The following GABRA2 variants were observed in gnomAD, a reference collection of about 807,000 sequenced individuals.
The protein encoded by GABRA2 is gamma-aminobutyric acid receptor subunit alpha-2.
In GABRA2, 16 loss-of-function variants were observed where a neutral mutation model predicts 48.7. The observed-to-expected ratio is 0.33, with a 90% confidence interval of 0.22 to 0.50. The LOEUF (loss-of-function observed/expected upper bound fraction) is 0.50, where lower values mean the gene tolerates loss of function less well. GABRA2 is among the 20% of genes least tolerant of loss of function. The pLI, the probability that GABRA2 is intolerant of heterozygous loss-of-function variation, is 0.98. For synonymous variants in GABRA2, 185 were observed against 184.5 expected (o/e 1.00, Z -0.02); for missense variants, 275 against 535.6 (o/e 0.51, Z 4.80).
intron 3 of GABRA2, among the ~76,000 whole-genome samples, chr4:46,370,294 A>G (rs2109996129): frequency 6.6e-6 from 1 of 152,234 alleles, no homozygotes; most frequent in South Asian, 2.1e-4. Flanking sequence ...AAAGGTAATA[A>G]GAGTTAAAAG....
intron 8 of GABRA2, among the ~76,000 whole-genome samples, chr4:46,280,475 C>T (rs544651222): frequency 9.9e-5 from 15 of 152,172 alleles, no homozygotes; most frequent in Admixed American, 4.6e-4. Flanking sequence ...GAGTTTGCGC[C>T]ACATAAGGAC....
At position 46,247,137 on chromosome 4, in the gene GABRA2, T is replaced by C. The variant is rs1713855242; in HGVS notation, c.*3171A>G. Among the ~76,000 whole-genome samples the C allele has an allele frequency of 6.6e-6, 1 of 151,206 alleles. No individual in the cohort carries two copies. The highest frequency in any genetic ancestry group is 1.5e-5 in the Non-Finnish European group (1 of 67,494). ...ATCACTTATCCAAACCTGAGATAAA[T>C]TCAAAATAGAGAGATACCTGAAAAG... is the stretch of plus-strand genomic sequence containing the variant. On this transcript the variant is annotated 3_prime_UTR_variant, in exon 10 of 10. Coordinates refer to ENST00000381620, the MANE Select transcript of GABRA2 (RefSeq NM_000807.4).
chr4:46,383,262 G>C (rs2109363160), intron 3 of GABRA2, among the ~76,000 whole-genome samples: 1 of 152,202 alleles, frequency 6.6e-6, no homozygotes, highest in African/African-American at 2.4e-5. Context: ...GACAAATATA[G>C]ATCCAGAGAG....
At chr4:46,310,136 A>G in intron 6 of GABRA2, 37 bp downstream of exon 6, 1 of 1,506,608 alleles carries the variant, frequency 6.6e-7, no homozygotes, top group Non-Finnish European at 9.2e-7. Flanking sequence ...CCCTGATATT[A>G]TTGACCCAAA....
At chr4:46,275,808 C>G (rs1369579165) in intron 8 of GABRA2, among the ~76,000 whole-genome samples, 1 of 152,018 alleles carries the variant, frequency 6.6e-6, no homozygotes, top group East Asian at 1.9e-4. Flanking sequence ...ATAAATAGTA[C>G]ATCATTAGAG....
intron 3 of GABRA2, among the ~76,000 whole-genome samples, chr4:46,378,656 TA>T (rs5858024): frequency 0.25 from 37,119 of 145,566 alleles, 4,849 homozygotes; most frequent in African/African-American, 0.31. Context: ...AATGATCAAT[TA>T]AAAAAAAAAA....
At chr4:46,358,130 A>G (rs534475447) in intron 3 of GABRA2, among the ~76,000 whole-genome samples, 25 of 152,174 alleles carry the variant, frequency 1.6e-4, no homozygotes, top group Non-Finnish European at 2.5e-4. Context: ...GATAATGACA[A>G]TGAAGATCTT....
intron 7 of GABRA2, among the ~76,000 whole-genome samples, 191 bp from the exon 8 acceptor site, chr4:46,303,803 T>G (rs1726165859): frequency 6.6e-6 from 1 of 152,210 alleles, no homozygotes. Flanking sequence ...AATTTTAGTA[T>G]CAAGAAACTT....
At chr4:46,347,230 T>C (rs1016022076) in intron 3 of GABRA2, among the ~76,000 whole-genome samples, 15 of 151,832 alleles carry the variant, frequency 9.9e-5, no homozygotes, top group African/African-American at 3.4e-4. Context: ...TTCACCGAAA[T>C]AGGAAAAACA....
At chr4:46,275,828 C>T (rs554564966) in intron 8 of GABRA2, among the ~76,000 whole-genome samples, 1 of 151,988 alleles carries the variant, frequency 6.6e-6, no homozygotes, top group Non-Finnish European at 1.5e-5. Context: ...GAATTTTTAT[C>T]ACAAAAATTC....
intron 3 of GABRA2, among the ~76,000 whole-genome samples, chr4:46,348,763 C>T (rs1176042551): frequency 8.8e-5 from 9 of 102,078 alleles, no homozygotes; most frequent in African/African-American, 1.6e-4. Flanking sequence ...CATCACACTC[C>T]GGGGACTGTT....
At chr4:46,273,502 CATATATATATATATAT>C (rs71637683) in intron 8 of GABRA2, among the ~76,000 whole-genome samples, 1 of 48,142 alleles carries the variant, frequency 2.1e-5, no homozygotes, top group East Asian at 5.6e-4. Flanking sequence ...TATATATATG[CATATATATATATATAT>C]ATATATATAT....
chr4:46,341,040 T>C (rs1309218973), intron 3 of GABRA2, among the ~76,000 whole-genome samples: 1 of 152,020 alleles, frequency 6.6e-6, no homozygotes, highest in East Asian at 1.9e-4. Context: ...TTTATTTCTG[T>C]TGGTTTTTAT....
intron 3 of GABRA2, among the ~76,000 whole-genome samples, chr4:46,353,725 A>G (rs919381481): frequency 6.6e-6 from 1 of 152,072 alleles, no homozygotes; most frequent in African/African-American, 2.4e-5. Flanking sequence ...TCAACATCTC[A>G]ATGAGGCTAA....
intron 3 of GABRA2, among the ~76,000 whole-genome samples, chr4:46,361,742 GA>G (rs1713225329): frequency 6.6e-6 from 1 of 152,240 alleles, no homozygotes; most frequent in South Asian, 2.1e-4. Flanking sequence ...CAGCCAGGAG[GA>G]GGGCTATACC....
At chr4:46,368,086 C>T (rs1714322088) in intron 3 of GABRA2, 2 of 152,186 alleles carry the variant, frequency 1.3e-5, no homozygotes, top group South Asian at 4.2e-4. Context: ...ATCCGAAACC[C>T]TAAGTGAGGA....
At chr4:46,274,572 A>T (rs1342381759) in intron 8 of GABRA2, among the ~76,000 whole-genome samples, 1 of 152,072 alleles carries the variant, frequency 6.6e-6, no homozygotes, top group African/African-American at 2.4e-5. Context: ...CAATGATGTG[A>T]CTTTGCTAAA....
chr4:46,268,989 T>A (rs113263777), intron 8 of GABRA2, among the ~76,000 whole-genome samples: 1 of 151,810 alleles, frequency 6.6e-6, no homozygotes, highest in African/African-American at 2.4e-5. Context: ...TCTAAAGCAA[T>A]TGAACTCATA....
chr4:46,291,271 G>T (rs1723573465), intron 8 of GABRA2, among the ~76,000 whole-genome samples: 1 of 152,072 alleles, frequency 6.6e-6, no homozygotes, highest in South Asian at 2.1e-4. Flanking sequence ...CTTATAATAG[G>T]TCTGTTGAGT....
Sources: allele counts gnomAD v4.1 joint callset (sites outside exome capture counted in the v4.1 genomes callset), GRCh38; gene constraint gnomAD v4.1.1; transcripts MANE v1.5; gene names NCBI Gene and HGNC (gene_info 2026-07-23, HGNC 2026-07-21).